Variants in FAT3 observed in about 807,000 individuals in gnomAD.
The protein encoded by FAT3 is protocadherin Fat 3.
FAT3 carries 95 observed loss-of-function variants against 310.2 expected under a neutral mutation model. That is an observed-to-expected ratio of 0.31 (90% CI 0.26 to 0.36). The LOEUF is 0.36. Ranked by LOEUF, FAT3 falls within the 10% of genes least tolerant of loss-of-function variation. The probability of loss-of-function intolerance (pLI) is 1.00; values close to 1 mark genes in which losing one functional copy is unlikely to be tolerated. For missense variants in FAT3, 5,408 were observed against 5,715.6 expected, an observed-to-expected ratio of 0.95 and a Z score of 1.74; for synonymous variants, 2,314 against 2,192.9, an observed-to-expected ratio of 1.06 and a Z score of -1.54.
chr11:92,654,556 A>C (rs927510784), intron 3 of FAT3, among the ~76,000 whole-genome samples: 1 of 152,184 alleles, frequency 6.6e-6, no homozygotes, highest in African/African-American at 2.4e-5. Flanking sequence ...AGATAAAACA[A>C]AATAGAAATA....
At chr11:92,261,541 A>G (rs760538382) in intron 1 of FAT3, among the ~76,000 whole-genome samples, 8 of 152,070 alleles carry the variant, frequency 5.3e-5, no homozygotes, top group Admixed American at 1.3e-4. Context: ...ATTTTCTTAT[A>G]TATAGAATTT....
Position 92,891,002 on chromosome 11 carries a change from C to T in FAT3, c.13659C>T (p.Cys4553=), listed in dbSNP as rs374731409. 3.8e-5 allele frequency: 61 copies of T among 1,613,864 alleles called. 2 individuals carry two copies. The highest frequency in any genetic ancestry group is 3.3e-4 in the Middle Eastern group (2 of 6,062). The change falls in exon 28 of 28, where the codon TGC becomes TGT. Residue 4553 remains cysteine (C), a synonymous_variant. Coordinates refer to ENST00000525166, the MANE Select transcript of FAT3 (RefSeq NM_001367949.2). The part of the protein sequence containing the change: ...GTSSSDVSAN[C]GFDDSEVAMS... ...CATCCTCGGATGTGTCTGCCAACTGCGGCTTTGACGATTCCGAAGTAGCCA... is the reference window on the plus strand; with the variant it reads ...CATCCTCGGATGTGTCTGCCAACTGTGGCTTTGACGATTCCGAAGTAGCCA...
rs75853289 is a variant in FAT3 at position 92,706,576 on chromosome 11, C to T, written c.3669+9131C>T. 2.5e-4 allele frequency among the ~76,000 whole-genome samples: 38 copies of T among 152,266 alleles called. No individual in the cohort carries two copies. In the East Asian group the frequency reaches 7.1e-3, roughly 29 times the overall value. ...TTACATTCCACATCTCTCTATATTA[C>T]ATGTTGACAACTCCATCATTTTTTT... On this transcript the variant is annotated intron_variant, in intron 4 of 27. Transcript: ENST00000525166.
intron 2 of FAT3, among the ~76,000 whole-genome samples, chr11:92,372,581 C>T (rs185088647): frequency 6.6e-6 from 1 of 152,116 alleles, no homozygotes; most frequent in East Asian, 1.9e-4. Context: ...TGTGATCCCT[C>T]TGTCTCTGGA....
chr11:92,740,614 A>C (rs1945481439), intron 4 of FAT3, among the ~76,000 whole-genome samples: 1 of 152,328 alleles, frequency 6.6e-6, no homozygotes, highest in East Asian at 1.9e-4. Context: ...AGTATTATTC[A>C]TTCTCTTAAA....
At chr11:92,612,446 C>T (rs1392449903) in intron 3 of FAT3, among the ~76,000 whole-genome samples, 1 of 152,142 alleles carries the variant, frequency 6.6e-6, no homozygotes, top group African/African-American at 2.4e-5. Context: ...AACATAGATA[C>T]AGCAGAGTAA....
At chr11:92,454,962 A>G (rs1951459897) in intron 2 of FAT3, among the ~76,000 whole-genome samples, 2 of 152,276 alleles carry the variant, frequency 1.3e-5, no homozygotes, top group African/African-American at 4.8e-5. Context: ...GGGAAATTTG[A>G]CTGAGGTCCC....
Position 92,812,431 on chromosome 11 carries a change from A to C in FAT3, c.9481+2355A>C, listed in dbSNP as rs186062169. On this transcript the variant is annotated intron_variant, in intron 13 of 27. Coordinates refer to ENST00000525166, the MANE Select transcript of FAT3 (RefSeq NM_001367949.2). Reference sequence around the variant, plus strand: ...CCCCATCTCTACTAAAAATACAAAAATTAGCCAGGCATGGTGGTACTACGC... The same window carrying C: ...CCCCATCTCTACTAAAAATACAAAACTTAGCCAGGCATGGTGGTACTACGC... 3.7e-3 allele frequency among the ~76,000 whole-genome samples: 566 copies of C among 152,104 alleles called. 3 individuals carry two copies. Among genetic ancestry groups the C allele is most frequent in the African/African-American group, 0.013 (539 of 41,492 alleles).
intron 22 of FAT3, among the ~76,000 whole-genome samples, chr11:92,879,954 AC>A (rs1229097287): frequency 6.6e-6 from 1 of 151,874 alleles, no homozygotes; most frequent in African/African-American, 2.4e-5. Context: ...AACAAATCTT[AC>A]GGTTTTTTTT....
chr11:92,240,995 C>T (rs1208607735), intron 1 of FAT3, among the ~76,000 whole-genome samples: 1 of 151,648 alleles, frequency 6.6e-6, no homozygotes, highest in Non-Finnish European at 1.5e-5. Flanking sequence ...AAGCAGTTTG[C>T]TTAATGTCAC....
rs1387047221 is a variant in FAT3, at chr11:92,891,832, G to A, written c.*719G>A. The A allele has an allele frequency of 6.6e-6, 1 of 152,312 alleles. No individual in the cohort carries two copies. The highest frequency in any genetic ancestry group is 1.5e-5 in the Non-Finnish European group (1 of 68,166). The allele number at this position is 152,312 out of a possible 1,614,324, so 9.4% of individuals were successfully genotyped here. A position where few individuals can be genotyped will look rare whatever the true frequency, so the allele number is the denominator to read the frequency against. On this transcript the variant is annotated 3_prime_UTR_variant, in exon 28 of 28. Coordinates refer to ENST00000525166, the MANE Select transcript of FAT3 (RefSeq NM_001367949.2). Reference sequence around the variant, plus strand: ...TTTGGGTTCCATTTGGTGGGTGGGGGAGGAAGTTAAAGTTGTTTGAACATT... The same window carrying A: ...TTTGGGTTCCATTTGGTGGGTGGGGAAGGAAGTTAAAGTTGTTTGAACATT...
intron 25 of FAT3, among the ~76,000 whole-genome samples, chr11:92,888,217 A>G (rs1949839355): frequency 6.6e-6 from 1 of 152,202 alleles, no homozygotes; most frequent in Non-Finnish European, 1.5e-5. Context: ...GGGACAACAA[A>G]TCACCTAACA....
chr11:92,790,111 G>A lies in FAT3; in HGVS notation c.4504G>A (p.Asp1502Asn), dbSNP rs780293516. The A allele has an allele frequency of 1.5e-5, 25 of 1,613,614 alleles. No individual in the cohort carries two copies. The highest frequency in any genetic ancestry group is 1.6e-4 in the Middle Eastern group (1 of 6,082). Residue 1502 changes from aspartate to asparagine, a missense_variant, in exon 8 of 28, where the codon GAC (aspartate) becomes AAC (asparagine). By Grantham distance (23) the Asp-to-Asn change is conservative. Coordinates refer to ENST00000525166, the MANE Select transcript of FAT3 (RefSeq NM_001367949.2). ...KLSYTVHSSI[D>N]SISMRKFRID... ...GAGCTACACTGTTCATAGCAGCATC[G>A]ACTCCATCAGCATGAGAAAATTCCG...
intron 3 of FAT3, among the ~76,000 whole-genome samples, chr11:92,664,432 T>C (rs1942890599): frequency 6.6e-6 from 1 of 152,196 alleles, no homozygotes; most frequent in African/African-American, 2.4e-5. Context: ...AGGACAGAGA[T>C]GACTACAATC....
At chr11:92,651,622 G>C (rs77700284) in intron 3 of FAT3, among the ~76,000 whole-genome samples, 2,445 of 152,236 alleles carry the variant, frequency 0.016, 37 homozygotes, top group Non-Finnish European at 0.022. Context: ...CAGTCAGTCT[G>C]AGTCAAGGGT....
rs1948617863 is a variant in FAT3 at position 92,353,189 on chromosome 11, A to G, written c.1077A>G (p.Leu359=). The change falls in exon 2 of 28, where the codon TTA becomes TTG. Residue 359 remains leucine (L), a synonymous_variant. Coordinates refer to ENST00000525166, the MANE Select transcript of FAT3 (RefSeq NM_001367949.2). ...DKGSPQKCSA[L]KAVYIGNPTR... is the part of the protein sequence containing the mutation. ...GATCTCCTCAAAAATGTTCAGCATT[A>G]AAGGCAGTCTACATTGGCAACCCCA... 6.2e-7 allele frequency: 1 copy of G among 1,613,782 alleles called. No homozygotes were observed. The highest frequency in any genetic ancestry group is 8.5e-7 in the Non-Finnish European group (1 of 1,179,868).
intron 4 of FAT3, among the ~76,000 whole-genome samples, chr11:92,697,718 A>C (rs986969275): frequency 6.6e-6 from 1 of 152,200 alleles, no homozygotes; most frequent in Non-Finnish European, 1.5e-5. Context: ...CCCTCGTGTC[A>C]ATAATCAGAA....
intron 3 of FAT3, among the ~76,000 whole-genome samples, chr11:92,572,911 T>C (rs1282694323): frequency 1.3e-5 from 2 of 152,166 alleles, no homozygotes; most frequent in African/African-American, 4.8e-5. Flanking sequence ...AGAATTCAAG[T>C]GAAAAAGAAA....
intron 13 of FAT3, among the ~76,000 whole-genome samples, chr11:92,828,913 T>A (rs1459673938): frequency 6.6e-6 from 1 of 152,150 alleles, no homozygotes; most frequent in Non-Finnish European, 1.5e-5. Flanking sequence ...CAGCTTTGTG[T>A]CTCAGTGAAG....
Sources: allele counts gnomAD v4.1 joint callset (sites outside exome capture counted in the v4.1 genomes callset), GRCh38; gene constraint gnomAD v4.1.1; transcripts MANE v1.5; gene names NCBI Gene and HGNC (gene_info 2026-07-23, HGNC 2026-07-21).